ANKS1B: variants seen among roughly 807,000 people sequenced by gnomAD.
The protein encoded by ANKS1B is ankyrin repeat and sterile alpha motif domain-containing protein 1B.
ANKS1B carries 36 observed loss-of-function variants against 148.3 expected under a neutral mutation model. That is an observed-to-expected ratio of 0.24 (90% CI 0.19 to 0.32). The LOEUF (loss-of-function observed/expected upper bound fraction) is 0.32, where lower values mean the gene tolerates loss of function less well. ANKS1B is among the 10% of genes least tolerant of loss of function. The pLI is 1.00. For synonymous variants in ANKS1B, 542 were observed against 560.8 expected (o/e 0.97, Z 0.47); for missense variants, 1,157 against 1,542.6 (o/e 0.75, Z 4.19).
chr12:99,179,183 C>A (rs181350026), intron 14 of ANKS1B, among the ~76,000 whole-genome samples: 1 of 151,794 alleles, frequency 6.6e-6, no homozygotes, highest in South Asian at 2.1e-4. Context: ...AATCCCAGCA[C>A]TTTGGGAGGC....
chr12:99,210,515 C>A (rs1230630033), intron 14 of ANKS1B, among the ~76,000 whole-genome samples: 1 of 152,130 alleles, frequency 6.6e-6, no homozygotes, highest in African/African-American at 2.4e-5. Flanking sequence ...TTTAGTCCAC[C>A]CAGTGGGTAA....
intron 12 of ANKS1B, among the ~76,000 whole-genome samples, chr12:99,333,077 G>A (rs2087913087): frequency 6.6e-6 from 1 of 152,052 alleles, no homozygotes; most frequent in Non-Finnish European, 1.5e-5. Flanking sequence ...GAGGATGTTT[G>A]GGGAATGGTG....
chr12:99,943,719 A>G (rs2094978979), intron 1 of ANKS1B, among the ~76,000 whole-genome samples: 1 of 151,664 alleles, frequency 6.6e-6, no homozygotes, highest in African/African-American at 2.4e-5. Context: ...ACATGCGGGG[A>G]TTATGGAAGC....
intron 17 of ANKS1B, among the ~76,000 whole-genome samples, chr12:98,941,197 T>C (rs1012506697): frequency 6.6e-6 from 1 of 152,172 alleles, no homozygotes; most frequent in Non-Finnish European, 1.5e-5. Context: ...TTACTTAACA[T>C]TGAAATCATG....
chr12:99,649,594 C>T (rs1364132125), intron 9 of ANKS1B: 2 of 542,060 alleles, frequency 3.7e-6, no homozygotes, highest in African/African-American at 1.9e-5. Flanking sequence ...CAAAAGCAGC[C>T]TTCAGAGGTC....
At chr12:99,613,197 T>A (rs1170863881) in intron 9 of ANKS1B, among the ~76,000 whole-genome samples, 2 of 152,066 alleles carry the variant, frequency 1.3e-5, no homozygotes, top group African/African-American at 2.4e-5. Context: ...GTCAAAAAAA[T>A]AACAGACGCT....
chr12:99,689,800 G>A (rs2098669126), intron 8 of ANKS1B, among the ~76,000 whole-genome samples: 1 of 152,198 alleles, frequency 6.6e-6, no homozygotes, highest in African/African-American at 2.4e-5. Context: ...AACCTCAGAA[G>A]TGAATTTAAC....
intron 1 of ANKS1B, among the ~76,000 whole-genome samples, chr12:99,834,681 T>C (rs548200914): frequency 6.6e-6 from 1 of 152,312 alleles, no homozygotes; most frequent in South Asian, 2.1e-4. Flanking sequence ...GCAAATAAGA[T>C]TTGAAGCACA....
At chr12:98,894,514 C>T in intron 17 of ANKS1B, 1 of 955,218 alleles carries the variant, frequency 1.0e-6, no homozygotes, top group Non-Finnish European at 1.2e-6. Flanking sequence ...CGCAGCCTTC[C>T]CGGCTTGCCC....
chr12:99,500,649 C>T (rs1162731341), intron 10 of ANKS1B, among the ~76,000 whole-genome samples: 1 of 152,098 alleles, frequency 6.6e-6, no homozygotes, highest in Non-Finnish European at 1.5e-5. Context: ...TTATGTCTTC[C>T]TCAAGCTCCA....
At chr12:99,669,556 C>T (rs1185892175) in intron 8 of ANKS1B, among the ~76,000 whole-genome samples, 1 of 152,082 alleles carries the variant, frequency 6.6e-6, no homozygotes, top group East Asian at 1.9e-4. Context: ...CATGATCCCT[C>T]TACTTGGGCT....
chr12:98,885,393 T>C (rs1378067908), intron 17 of ANKS1B, among the ~76,000 whole-genome samples: 1 of 152,174 alleles, frequency 6.6e-6, no homozygotes, highest in Non-Finnish European at 1.5e-5. Flanking sequence ...GTAAACAAAA[T>C]TCTGAGACTT....
At chr12:99,733,819 C>G (rs988820447) in intron 8 of ANKS1B, among the ~76,000 whole-genome samples, 9 of 152,172 alleles carry the variant, frequency 5.9e-5, no homozygotes, top group Non-Finnish European at 1.3e-4. Flanking sequence ...CCCTTTTCTT[C>G]TCTTCCACCT....
chr12:99,929,668 T>C (rs1245186170), intron 1 of ANKS1B, among the ~76,000 whole-genome samples: 7 of 152,200 alleles, frequency 4.6e-5, no homozygotes, highest in African/African-American at 1.7e-4. Flanking sequence ...TTGAATTAAT[T>C]TTTGTATAAG....
chr12:98,735,750 G>A, intron 9 of ANKS1B: 1 of 503,388 alleles, frequency 2.0e-6, no homozygotes. Context: ...ACACAGGAGT[G>A]AGCAAAACAA....
intron 9 of ANKS1B, among the ~76,000 whole-genome samples, chr12:99,582,093 A>G (rs1202905946): frequency 2.6e-5 from 4 of 152,052 alleles, no homozygotes; most frequent in African/African-American, 7.2e-5. Context: ...ATGGCAAATA[A>G]TAAGCACAAA....
At chr12:99,183,344 T>C (rs1361929649) in intron 14 of ANKS1B, among the ~76,000 whole-genome samples, 2 of 152,272 alleles carry the variant, frequency 1.3e-5, no homozygotes, top group Admixed American at 6.5e-5. Context: ...AGGAATAATG[T>C]CCAATAAGAA....
chr12:99,615,961 T>C (rs2097954637), intron 9 of ANKS1B, among the ~76,000 whole-genome samples: 2 of 152,234 alleles, frequency 1.3e-5, no homozygotes, highest in African/African-American at 2.4e-5. Flanking sequence ...ACAAAATCAA[T>C]GTGCAAAAAT....
intron 1 of ANKS1B, among the ~76,000 whole-genome samples, chr12:99,847,400 C>T (rs933364042): frequency 1.3e-5 from 2 of 152,130 alleles, no homozygotes; most frequent in Non-Finnish European, 2.9e-5. Context: ...TAACCTTCTC[C>T]GACCTTTCTG....
Sources: gnomAD v4.1 joint callset for allele counts (sites outside exome capture counted in the v4.1 genomes callset) on GRCh38, gnomAD v4.1.1 for gene constraint, MANE v1.5 for transcripts, NCBI Gene and HGNC (gene_info 2026-07-23, HGNC 2026-07-21) for gene names.